The following DPP10 variants were observed in gnomAD, a reference collection of about 807,000 sequenced individuals.
The protein encoded by DPP10 is dipeptidyl peptidase like 10, also known as inactive dipeptidyl peptidase 10.
A neutral mutation model predicts 120.9 loss-of-function variants in DPP10; 33 were observed. The ratio of observed to expected loss-of-function variants is 0.27; its 90% CI spans 0.21 to 0.37. DPP10 has a LOEUF of 0.37. Among genes scored for constraint, DPP10 ranks in the 10% least tolerant of loss-of-function variants. The pLI is 1.00. For synonymous variants in DPP10, 337 were observed against 326.1 expected (o/e 1.03, Z -0.36); for missense variants, 816 against 942.8 (o/e 0.87, Z 1.76).
chr2:115,315,522 A>T (rs1462635024), intron 2 of DPP10, among the ~76,000 whole-genome samples: 1 of 152,182 alleles, frequency 6.6e-6, no homozygotes, highest in Non-Finnish European at 1.5e-5. Context: ...ATTAGGTGTC[A>T]TTTAAGCACC....
intron 1 of DPP10, among the ~76,000 whole-genome samples, chr2:115,302,351 G>T (rs2061177146): frequency 6.6e-6 from 1 of 151,952 alleles, no homozygotes; most frequent in African/African-American, 2.4e-5. Context: ...TGATAAATGT[G>T]AATTGCAACT....
Position 114,738,325 on chromosome 2 carries a change from C to T in DPP10, c.60+295487C>T, listed in dbSNP as rs777389621. ...CACAACCATAGCTAGAGGCCTTTCTCGGGCATGAGCAGGCTGTCTGGTTGG... is the reference window on the plus strand; with the variant it reads ...CACAACCATAGCTAGAGGCCTTTCTTGGGCATGAGCAGGCTGTCTGGTTGG... On this transcript the variant is annotated intron_variant, in intron 1 of 25. Coordinates refer to ENST00000410059, the MANE Select transcript of DPP10 (RefSeq NM_020868.6). Among the ~76,000 whole-genome samples, 6 of 152,184 alleles carry T rather than the reference C, an allele frequency of 3.9e-5. No homozygotes were observed. The East Asian group carries it at 5.8e-4, about 15-fold the overall frequency.
intron 3 of DPP10, among the ~76,000 whole-genome samples, chr2:115,437,903 C>A (rs2071640743): frequency 6.6e-6 from 1 of 152,082 alleles, no homozygotes; most frequent in Non-Finnish European, 1.5e-5. Context: ...ACATATGTCT[C>A]ATTTTATTAA....
chr2:114,651,649 T>A (rs1426084451), intron 1 of DPP10, among the ~76,000 whole-genome samples: 1 of 151,746 alleles, frequency 6.6e-6, no homozygotes, highest in Non-Finnish European at 1.5e-5. Flanking sequence ...TAATTAAGAT[T>A]TTTTTTTTAA....
At chr2:115,458,541 A>G (rs939071146) in intron 3 of DPP10, among the ~76,000 whole-genome samples, 1 of 152,092 alleles carries the variant, frequency 6.6e-6, no homozygotes, top group African/African-American at 2.4e-5. Flanking sequence ...AGAAAATGAA[A>G]AGGCAAACAA....
chr2:115,820,208 A>G (rs190333483), intron 21 of DPP10, among the ~76,000 whole-genome samples: 94 of 152,304 alleles, frequency 6.2e-4, no homozygotes, highest in African/African-American at 2.2e-3. Flanking sequence ...CTTACTGACT[A>G]TAATTGAACT....
intron 3 of DPP10, among the ~76,000 whole-genome samples, chr2:115,363,561 C>T (rs147543340): frequency 6.6e-5 from 10 of 152,268 alleles, no homozygotes; most frequent in African/African-American, 1.4e-4. Flanking sequence ...AGACATGGTG[C>T]GCAAGTTACT....
intron 3 of DPP10, among the ~76,000 whole-genome samples, chr2:115,372,986 T>C (rs188970863): frequency 6.6e-5 from 10 of 152,350 alleles, no homozygotes; most frequent in Admixed American, 6.5e-4. Context: ...AAGTTATTGA[T>C]ATTGTGATAA....
At chr2:115,338,773 G>A (rs558973508) in intron 2 of DPP10, among the ~76,000 whole-genome samples, 32 of 152,274 alleles carry the variant, frequency 2.1e-4, no homozygotes, top group African/African-American at 7.2e-4. Flanking sequence ...TAAGCCTCAT[G>A]CCATGTGTGA....
chr2:115,591,288 A>G (rs1304542905), intron 5 of DPP10, among the ~76,000 whole-genome samples: 5 of 152,138 alleles, frequency 3.3e-5, no homozygotes, highest in African/African-American at 9.7e-5. Flanking sequence ...TTATGGTTTT[A>G]GGTCTAACAT....
At chr2:115,316,987 C>T (rs1184273116) in intron 2 of DPP10, among the ~76,000 whole-genome samples, 1 of 152,092 alleles carries the variant, frequency 6.6e-6, no homozygotes, top group Non-Finnish European at 1.5e-5. Context: ...TTGGCACATG[C>T]TACTCAGGAG....
At chr2:115,022,747 A>T (rs1045047070) in intron 1 of DPP10, among the ~76,000 whole-genome samples, 30 of 152,172 alleles carry the variant, frequency 2.0e-4, no homozygotes, top group African/African-American at 6.5e-4. Flanking sequence ...CTGACTTCAA[A>T]CTATACTATA....
At chr2:115,598,905 G>A (rs1372944593) in intron 5 of DPP10, among the ~76,000 whole-genome samples, 2 of 149,440 alleles carry the variant, frequency 1.3e-5, no homozygotes, top group East Asian at 2.0e-4. Context: ...GTATTTATTC[G>A]ATATTAATTT....
chr2:114,737,232 C>G (rs1281151338), intron 1 of DPP10, among the ~76,000 whole-genome samples: 1 of 152,162 alleles, frequency 6.6e-6, no homozygotes, highest in Non-Finnish European at 1.5e-5. Context: ...GACACATCTC[C>G]AAAAAGCAGA....
intron 1 of DPP10, among the ~76,000 whole-genome samples, chr2:114,978,591 C>A (rs1369910932): frequency 2.0e-5 from 3 of 152,040 alleles, no homozygotes; most frequent in Non-Finnish European, 4.4e-5. Context: ...AGAAAATAAC[C>A]ACCTTGTCTC....
At chr2:115,673,541 T>C (rs1189072798) in intron 5 of DPP10, among the ~76,000 whole-genome samples, 2 of 152,206 alleles carry the variant, frequency 1.3e-5, no homozygotes, top group Admixed American at 6.5e-5. Context: ...AACCAAGTCA[T>C]TGAAAGAATC....
intron 3 of DPP10, among the ~76,000 whole-genome samples, chr2:115,478,813 CT>C (rs1456581370): frequency 6.6e-6 from 1 of 152,144 alleles, no homozygotes; most frequent in Non-Finnish European, 1.5e-5. Context: ...CTCAATGTCA[CT>C]AATCATTAGG....
intron 1 of DPP10, among the ~76,000 whole-genome samples, chr2:114,849,941 T>C (rs1688820436): frequency 6.6e-6 from 1 of 151,720 alleles, no homozygotes; most frequent in African/African-American, 2.4e-5. Flanking sequence ...TTCTGTTCTC[T>C]CCTTTCCTTT....
chr2:115,598,522 A>G (rs939444256), intron 5 of DPP10, among the ~76,000 whole-genome samples: 2 of 151,996 alleles, frequency 1.3e-5, no homozygotes, highest in African/African-American at 2.4e-5. Flanking sequence ...ATAACAGTAT[A>G]CTTCAATTTT....
Sources: gnomAD v4.1 joint callset for allele counts (sites outside exome capture counted in the v4.1 genomes callset) on GRCh38, gnomAD v4.1.1 for gene constraint, MANE v1.5 for transcripts, NCBI Gene and HGNC (gene_info 2026-07-23, HGNC 2026-07-21) for gene names.